Variants in PPM1A observed in about 807,000 individuals in gnomAD.
PPM1A encodes protein phosphatase 1A.
In PPM1A, 7 loss-of-function variants were observed where a neutral mutation model predicts 35.0. That is an observed-to-expected ratio of 0.20 (90% confidence interval 0.11 to 0.38). The LOEUF is 0.38. Among genes scored for constraint, PPM1A ranks in the 10% least tolerant of loss-of-function variants. The probability of loss-of-function intolerance (pLI) is 1.00; values close to 1 mark genes in which losing one functional copy is unlikely to be tolerated. For missense variants in PPM1A, 239 were observed against 467.8 expected (o/e 0.51, Z 4.51); for synonymous variants, 153 against 167.3 (o/e 0.91, Z 0.66).
chr14:60,268,239 G>C (rs531020841), intron 1 of PPM1A: 1 of 946,032 alleles, frequency 1.1e-6, no homozygotes, highest in African/African-American at 1.8e-5. Context: ...TTTTTCATGA[G>C]CTCTGAAGTT....
At position 60,273,090 on chromosome 14, in the gene PPM1A, T is replaced by TA. The variant is rs1885354059; in HGVS notation, c.-20-9594_-20-9593insA. ...TGATGATAGCTTCTCTGTTTCTCCT[T>TA]CAGAAAGTCTTGTTTTTTATATGCA... is the stretch of plus-strand genomic sequence containing the variant. On this transcript the variant is annotated intron_variant, in intron 1 of 5. Coordinates refer to ENST00000395076, the MANE Select transcript of PPM1A (RefSeq NM_021003.5). This position sits in a 1 kb window ranked among gnomAD's most constrained non-coding sequence, Gnocchi z 4.3. 6.6e-6 allele frequency among the ~76,000 whole-genome samples: 1 copy of TA among 152,226 alleles called. No homozygotes were observed. Among genetic ancestry groups the TA allele is most frequent in the African/African-American group, 2.4e-5 (1 of 41,452 alleles).
In PPM1A at chr14:60,283,665, C is replaced by A; in HGVS notation, c.834+128C>A. On this transcript the variant is annotated intron_variant, in intron 2 of 5. Coordinates refer to ENST00000395076, the MANE Select transcript of PPM1A (RefSeq NM_021003.5). This position sits in a 1 kb window ranked among gnomAD's most constrained non-coding sequence, Gnocchi z 6.3. ...GGCACAACTGTAGGATACTGTTCAC[C>A]AATTATGAAAATATATCATAGGACC... 1 of 881,298 alleles carries A rather than the reference C, an allele frequency of 1.1e-6. No homozygotes were observed. The highest frequency in any genetic ancestry group is 1.7e-6 in the Non-Finnish European group (1 of 593,386). 54.6% of individuals were successfully genotyped at this position (881,298 alleles called of 1,614,324 possible). A position where few individuals can be genotyped will look rare whatever the true frequency, so the allele number is the denominator to read the frequency against.
chr14:60,250,071 C>T (rs1319610932), intron 1 of PPM1A, among the ~76,000 whole-genome samples: 1 of 151,374 alleles, frequency 6.6e-6, no homozygotes, highest in African/African-American at 2.4e-5. Flanking sequence ...CCCCCACCCG[C>T]TCGGGCGCGC....
intron 1 of PPM1A, among the ~76,000 whole-genome samples, chr14:60,279,818 C>A (rs936420592): frequency 1.3e-5 from 2 of 152,122 alleles, no homozygotes; most frequent in African/African-American, 4.8e-5. Flanking sequence ...GTAATCAGAG[C>A]TGGCGGCAAG....
chr14:60,287,570 T>C (rs1887148610), intron 3 of PPM1A: 3 of 985,218 alleles, frequency 3.0e-6, no homozygotes, highest in South Asian at 4.7e-5. Context: ...CTCTCTCTCT[T>C]CTTTCTTTAA....
At chr14:60,247,105 G>C (rs1881828666), upstream of PPM1A, among the ~76,000 whole-genome samples, 1 of 152,138 alleles carries the variant, frequency 6.6e-6, no homozygotes, top group Non-Finnish European at 1.5e-5. Flanking sequence ...AGCTTTTGTA[G>C]TTCAGAATGT....
chr14:60,263,010 A>G (rs951641125), intron 1 of PPM1A, among the ~76,000 whole-genome samples: 3 of 152,138 alleles, frequency 2.0e-5, no homozygotes, highest in Non-Finnish European at 4.4e-5. Context: ...GCAGATCAGG[A>G]GTTCAAGACC....
At chr14:60,250,488 T>G in intron 1 of PPM1A, 1 of 937,040 alleles carries the variant, frequency 1.1e-6, no homozygotes, top group Non-Finnish European at 1.3e-6. Context: ...TGAGGTATTT[T>G]TCTTCTCTCC....
rs986350661 is a variant in PPM1A at position 60,298,177 on chromosome 14, A to G, written c.*5695A>G. On this transcript the variant is annotated 3_prime_UTR_variant, in exon 6 of 6. Coordinates refer to ENST00000395076, the MANE Select transcript of PPM1A (RefSeq NM_021003.5). Reference sequence around the variant, plus strand: ...CTAAGATTTGCCACTTTAGAAATTCAACAGAAAAGAGGTAAAACAGAAATG... The same window carrying G: ...CTAAGATTTGCCACTTTAGAAATTCGACAGAAAAGAGGTAAAACAGAAATG... 6.6e-6 allele frequency: 1 copy of G among 151,776 alleles called. No individual in the cohort carries two copies. The highest frequency in any genetic ancestry group is 1.9e-4 in the East Asian group (1 of 5,196). 9.4% of individuals were successfully genotyped at this position (151,776 alleles called of 1,614,324 possible).
At chr14:60,258,896 T>C (rs1463150744) in intron 1 of PPM1A, among the ~76,000 whole-genome samples, 1 of 152,098 alleles carries the variant, frequency 6.6e-6, no homozygotes, top group East Asian at 1.9e-4. Context: ...ATTCACCAGA[T>C]AAATGCTGCG....
At chr14:60,286,758 G>A (rs1032551340) in intron 3 of PPM1A, 5 of 981,264 alleles carry the variant, frequency 5.1e-6, no homozygotes, top group Admixed American at 1.3e-4. Flanking sequence ...TTGTTCTTTA[G>A]TACTGTCTAG....
chr14:60,279,024 C>T (rs751874266), intron 1 of PPM1A, among the ~76,000 whole-genome samples: 1 of 152,204 alleles, frequency 6.6e-6, no homozygotes, highest in Admixed American at 6.5e-5. Flanking sequence ...GAATTATGTG[C>T]ACCTCAGCTT....
intron 1 of PPM1A, among the ~76,000 whole-genome samples, chr14:60,256,253 T>C (rs920207231): frequency 3.9e-5 from 6 of 152,190 alleles, no homozygotes; most frequent in Non-Finnish European, 7.3e-5. Flanking sequence ...ACTTTGTCTC[T>C]ACTAAAATAC....
chr14:60,256,221 C>G (rs1410203988), intron 1 of PPM1A, among the ~76,000 whole-genome samples: 2 of 152,082 alleles, frequency 1.3e-5, no homozygotes, highest in African/African-American at 4.8e-5. Context: ...GAGATGGAGA[C>G]CATCCTGGCC....
chr14:60,290,594 G>A (rs993228322), intron 4 of PPM1A, among the ~76,000 whole-genome samples: 1 of 152,052 alleles, frequency 6.6e-6, no homozygotes, highest in African/African-American at 2.4e-5. Flanking sequence ...AATACCTTTA[G>A]CTTGAATTTG....
At chr14:60,272,651 G>A (rs115674817) in intron 1 of PPM1A, among the ~76,000 whole-genome samples, 2 of 134,036 alleles carry the variant, frequency 1.5e-5, no homozygotes, top group African/African-American at 5.6e-5. Context: ...AGATCATGCC[G>A]CCACATCCCA....
intron 1 of PPM1A, among the ~76,000 whole-genome samples, chr14:60,264,610 A>T (rs1299023637): frequency 3.3e-5 from 5 of 152,152 alleles, no homozygotes; most frequent in African/African-American, 4.8e-5. Context: ...TACATTGTTG[A>T]TGGGAAGATT....
intron 1 of PPM1A, among the ~76,000 whole-genome samples, chr14:60,263,429 TTA>T (rs754413831): frequency 3.3e-5 from 5 of 152,346 alleles, no homozygotes; most frequent in Non-Finnish European, 7.4e-5. Flanking sequence ...GGCAACTTTA[TTA>T]TTTTATTTCT....
At chr14:60,261,691 A>G (rs1377579996) in intron 1 of PPM1A, among the ~76,000 whole-genome samples, 3 of 152,222 alleles carry the variant, frequency 2.0e-5, no homozygotes, top group African/African-American at 7.2e-5. Context: ...TGTCAGATTC[A>G]GTGGGCTGTT....
Sources: gnomAD v4.1 joint callset for allele counts (sites outside exome capture counted in the v4.1 genomes callset) on GRCh38, gnomAD v4.1.1 for gene constraint, Gnocchi (gnomAD v3.1) non-coding constraint, MANE v1.5 for transcripts, NCBI Gene and HGNC (gene_info 2026-07-23, HGNC 2026-07-21) for gene names.